Variants in MTRF1 observed in about 807,000 individuals in gnomAD.
The protein encoded by MTRF1 is mitochondrial translation release factor 1, also known as peptide chain release factor 1, mitochondrial.
MTRF1 carries 51 observed loss-of-function variants against 62.9 expected under a neutral mutation model. The observed-to-expected ratio is 0.81, with a 90% CI of 0.65 to 1.02. The LOEUF (loss-of-function observed/expected upper bound fraction) is 1.02. Ranked by LOEUF, MTRF1 falls within the 50% of genes least tolerant of loss-of-function variation. MTRF1 has a pLI of 0.00. For missense variants in MTRF1, 446 were observed against 530.0 expected, an observed-to-expected ratio of 0.84 and a Z score of 1.56; for synonymous variants, 158 against 181.9, an observed-to-expected ratio of 0.87 and a Z score of 1.06.
At chr13:41,220,624 C>A in intron 9 of MTRF1, 1 of 1,286,326 alleles carries the variant, frequency 7.8e-7, no homozygotes, top group African/African-American at 1.5e-5. Context: ...ACGACTACCA[C>A]CCGTGGAATG....
chr13:41,270,833 C>T, the MTRF1 span, among the ~76,000 whole-genome samples: 1 of 151,962 alleles, frequency 6.6e-6, no homozygotes, highest in Non-Finnish European at 1.5e-5. Context: ...CTCTGCCTCC[C>T]TGGTTCAAGC....
At chr13:41,285,102 T>C in the MTRF1 span, among the ~76,000 whole-genome samples, 1 of 152,238 alleles carries the variant, frequency 6.6e-6, no homozygotes, top group Non-Finnish European at 1.5e-5. Context: ...ATGAAAAGGA[T>C]GCTGATTTAT....
the MTRF1 span, among the ~76,000 whole-genome samples, chr13:41,292,756 A>G: frequency 6.6e-6 from 1 of 151,888 alleles, no homozygotes; most frequent in Non-Finnish European, 1.5e-5. Context: ...CCCTCATCTC[A>G]ATGAAAATAA....
the MTRF1 span, among the ~76,000 whole-genome samples, chr13:41,280,112 A>AT: frequency 6.6e-6 from 1 of 151,878 alleles, no homozygotes; most frequent in African/African-American, 2.4e-5. Flanking sequence ...TAATTTTTGT[A>AT]TTTTTTGTAG....
At chr13:41,230,408 G>A (rs2035320416) in intron 7 of MTRF1, among the ~76,000 whole-genome samples, 1 of 151,646 alleles carries the variant, frequency 6.6e-6, no homozygotes, top group African/African-American at 2.4e-5. Flanking sequence ...GGGATTACAT[G>A]CATGCGCCAC....
intron 7 of MTRF1, among the ~76,000 whole-genome samples, chr13:41,230,492 G>T (rs537183130): frequency 6.6e-6 from 1 of 151,168 alleles, no homozygotes; most frequent in African/African-American, 2.4e-5. Flanking sequence ...TTGAACTCCC[G>T]ACCTCAGGTG....
the MTRF1 span, among the ~76,000 whole-genome samples, chr13:41,270,686 T>G: frequency 2.0e-5 from 3 of 152,200 alleles, no homozygotes; most frequent in Non-Finnish European, 4.4e-5. Context: ...ATGTAATTGC[T>G]AATTAAACAT....
chr13:41,283,679 T>A, the MTRF1 span, among the ~76,000 whole-genome samples: 1 of 124,432 alleles, frequency 8.0e-6, no homozygotes, highest in Non-Finnish European at 1.6e-5. Flanking sequence ...AAGCTCCGCC[T>A]CCCGGGTTCA....
chr13:41,270,589 ACAACTTAGGTGAAAATCAAACAG>A, the MTRF1 span, among the ~76,000 whole-genome samples: 5 of 152,222 alleles, frequency 3.3e-5, no homozygotes, highest in Non-Finnish European at 7.3e-5. Flanking sequence ...ATTGAAGGAA[ACAACTTAGGTGAAAATCAAACAG>A]CAAAATTTAC....
chr13:41,291,967 C>T, the MTRF1 span, among the ~76,000 whole-genome samples: 1 of 152,108 alleles, frequency 6.6e-6, no homozygotes, highest in Non-Finnish European at 1.5e-5. Context: ...AAAAGTTAGG[C>T]TCTTAGATCA....
the MTRF1 span, among the ~76,000 whole-genome samples, chr13:41,291,822 C>T: frequency 4.6e-4 from 70 of 152,270 alleles, no homozygotes; most frequent in African/African-American, 1.5e-3. Flanking sequence ...TGATTTACTG[C>T]AAGCATTCCT....
chr13:41,282,683 T>C, the MTRF1 span, among the ~76,000 whole-genome samples: 1 of 152,242 alleles, frequency 6.6e-6, no homozygotes, highest in Non-Finnish European at 1.5e-5. Flanking sequence ...TTTCAAGCAA[T>C]GAGTGGCTGG....
In MTRF1 at chr13:41,252,696, A is replaced by C; in HGVS notation, c.646T>G (p.Cys216Gly). ...EIFDMYQNYS[C>G]YKHWQFELLN... ...AGTTCAAATTGCCAGTGTTTATAGCACGAATAATTCTGGTACATGTCAAAT... is the reference window on the plus strand; with the variant it reads ...AGTTCAAATTGCCAGTGTTTATAGCCCGAATAATTCTGGTACATGTCAAAT... Residue 216 changes from cysteine to glycine, a missense_variant, in exon 5 of 10, where the codon TGC becomes GGC. Transcript: ENST00000379480. The C allele has an allele frequency of 6.2e-7, 1 of 1,613,798 alleles. No individual in the cohort carries two copies. The highest frequency in any genetic ancestry group is 8.5e-7 in the Non-Finnish European group (1 of 1,179,864).
chr13:41,291,379 C>T, the MTRF1 span, among the ~76,000 whole-genome samples: 13 of 152,086 alleles, frequency 8.5e-5, no homozygotes, highest in South Asian at 6.2e-4. Context: ...GGTTTTGCCA[C>T]GTTGCCTAGG....
Position 41,226,588 on chromosome 13 carries a change from A to AG in MTRF1, c.989-21dup, listed in dbSNP as rs1423328281. Reference sequence around the variant, plus strand: ...CTAGCCCTGAAAAATAACAGGGATCAGAAGGTAAACTGTAGCTTCCACCAA... The same window carrying AG: ...CTAGCCCTGAAAAATAACAGGGATCAGGAAGGTAAACTGTAGCTTCCACCAA... On this transcript the variant is annotated intron_variant, in intron 7 of 9. Coordinates refer to ENST00000379480, the MANE Select transcript of MTRF1 (RefSeq NM_004294.4). 4.3e-6 allele frequency: 7 copies of AG among 1,612,264 alleles called. No individual in the cohort carries two copies. The highest frequency in any genetic ancestry group is 5.9e-6 in the Non-Finnish European group (7 of 1,179,710).
chr13:41,225,432 T>C (rs1448573024), intron 8 of MTRF1, among the ~76,000 whole-genome samples: 1 of 152,132 alleles, frequency 6.6e-6, no homozygotes, highest in African/African-American at 2.4e-5. Context: ...TCTGCAAGTG[T>C]ATACACTGAT....
intron 1 of MTRF1, among the ~76,000 whole-genome samples, chr13:41,262,922 T>A (rs2040628686): frequency 6.6e-6 from 1 of 152,238 alleles, no homozygotes; most frequent in Admixed American, 6.5e-5. Context: ...CATTATCACC[T>A]AGGAAATAAA....
intron 5 of MTRF1, among the ~76,000 whole-genome samples, chr13:41,244,595 C>G (rs923186069): frequency 6.6e-6 from 1 of 152,142 alleles, no homozygotes. Context: ...TATGGTATGA[C>G]AGAGGTGATA....
At chr13:41,251,846 A>G (rs2039096399) in intron 5 of MTRF1, among the ~76,000 whole-genome samples, 1 of 152,140 alleles carries the variant, frequency 6.6e-6, no homozygotes, top group Non-Finnish European at 1.5e-5. Flanking sequence ...ATACTTGAGT[A>G]TTTAAAGGTA....
Sources: allele counts gnomAD v4.1 joint callset (sites outside exome capture counted in the v4.1 genomes callset), GRCh38; gene constraint gnomAD v4.1.1; transcripts MANE v1.5; gene names NCBI Gene and HGNC (gene_info 2026-07-23, HGNC 2026-07-21).